Variants in ASTN2 observed in about 807,000 individuals in gnomAD.
The protein encoded by ASTN2 is astrotactin-2.
Under a neutral mutation model 139.8 loss-of-function variants are expected in ASTN2, and 54 were observed. The ratio of observed to expected loss-of-function variants is 0.39; its 90% confidence interval spans 0.31 to 0.48. ASTN2 has a LOEUF of 0.48. ASTN2 is among the 20% of genes least tolerant of loss of function. The pLI, the probability that ASTN2 is intolerant of heterozygous loss-of-function variation, is 0.95. For missense variants in ASTN2, 1,565 were observed against 1,725.1 expected (o/e 0.91, Z 1.64); for synonymous variants, 756 against 719.5 (o/e 1.05, Z -0.81).
At chr9:117,256,995 A>C (rs558284635) in intron 2 of ASTN2, among the ~76,000 whole-genome samples, 5 of 152,232 alleles carry the variant, frequency 3.3e-5, no homozygotes, top group African/African-American at 1.2e-4. Flanking sequence ...ACAGAAGAAG[A>C]CTTGGAATAT....
At chr9:116,886,408 T>C (rs1833597608) in intron 10 of ASTN2, among the ~76,000 whole-genome samples, 1 of 152,222 alleles carries the variant, frequency 6.6e-6, no homozygotes, top group Non-Finnish European at 1.5e-5. Flanking sequence ...AGGGTCTTGC[T>C]CCGTTGCCCA....
chr9:116,618,201 A>C (rs1342094047), intron 19 of ASTN2, 123 bp downstream of exon 19: 2 of 1,092,902 alleles, frequency 1.8e-6, no homozygotes, highest in Non-Finnish European at 2.6e-6. Flanking sequence ...AAAAATCACT[A>C]AACAATGAAA....
intron 3 of ASTN2, among the ~76,000 whole-genome samples, chr9:117,159,523 C>G (rs1056419097): frequency 1.3e-4 from 20 of 151,906 alleles, no homozygotes; most frequent in African/African-American, 4.6e-4. Context: ...AGAAAGCAAC[C>G]AGGAAGTGTG....
intron 13 of ASTN2, among the ~76,000 whole-genome samples, chr9:116,786,420 G>C (rs1276603408): frequency 6.6e-6 from 1 of 151,188 alleles, no homozygotes; most frequent in Non-Finnish European, 1.5e-5. Context: ...TCCTAGAACA[G>C]TCAGTGTCAT....
At chr9:117,355,029 G>T (rs1024503783) in intron 1 of ASTN2, among the ~76,000 whole-genome samples, 1 of 151,824 alleles carries the variant, frequency 6.6e-6, no homozygotes, top group Admixed American at 6.6e-5. Flanking sequence ...TTTAATCCAT[G>T]AGTCCTTACC....
intron 13 of ASTN2, among the ~76,000 whole-genome samples, chr9:116,792,218 CTACT>C (rs1471605541): frequency 2.6e-5 from 4 of 152,112 alleles, no homozygotes; most frequent in African/African-American, 9.7e-5. Flanking sequence ...CTTAATTTTA[CTACT>C]TACTTTCTAT....
chr9:117,212,583 C>CA (rs1033653268), intron 3 of ASTN2, among the ~76,000 whole-genome samples: 4 of 150,898 alleles, frequency 2.7e-5, no homozygotes, highest in African/African-American at 9.7e-5. Flanking sequence ...AACAAAAAAA[C>CA]AAAAAACAAA....
At chr9:117,205,398 C>CT (rs1423839414) in intron 3 of ASTN2, among the ~76,000 whole-genome samples, 1 of 152,076 alleles carries the variant, frequency 6.6e-6, no homozygotes, top group Non-Finnish European at 1.5e-5. Context: ...ATATCTAATC[C>CT]TCCCATTAAC....
chr9:116,808,071 G>A (rs915472281), intron 12 of ASTN2, among the ~76,000 whole-genome samples: 2 of 152,100 alleles, frequency 1.3e-5, no homozygotes, highest in Non-Finnish European at 2.9e-5. Context: ...CCGAGATCAT[G>A]CCACTGCACT....
intron 10 of ASTN2, among the ~76,000 whole-genome samples, chr9:116,974,263 T>A (rs181835424): frequency 6.6e-6 from 1 of 152,320 alleles, no homozygotes; most frequent in Non-Finnish European, 1.5e-5. Flanking sequence ...ACAGACTTAA[T>A]TAAATCAATA....
chr9:117,122,987 C>T (rs1829596941), intron 4 of ASTN2, among the ~76,000 whole-genome samples: 1 of 152,100 alleles, frequency 6.6e-6, no homozygotes, highest in Admixed American at 6.6e-5. Flanking sequence ...CCAAAAGGGG[C>T]TGGAATCAGT....
intron 22 of ASTN2, 103 bp from the exon 23 acceptor site, chr9:116,426,191 A>G (rs1193489739): frequency 2.1e-6 from 3 of 1,426,870 alleles, no homozygotes; most frequent in East Asian, 2.3e-5. Context: ...TCTCCCAACC[A>G]TTTCCTATCT....
chr9:117,149,743 C>T (rs1337379867), intron 3 of ASTN2, among the ~76,000 whole-genome samples: 1 of 152,150 alleles, frequency 6.6e-6, no homozygotes, highest in Non-Finnish European at 1.5e-5. Context: ...AAGCAACTAG[C>T]GTTCCTTAGG....
intron 20 of ASTN2, 74 bp from the exon 21 acceptor site, chr9:116,442,627 G>A: frequency 1.7e-6 from 2 of 1,164,434 alleles, no homozygotes. Context: ...GGGAAGAACA[G>A]AGAGTCATGG....
intron 2 of ASTN2, among the ~76,000 whole-genome samples, chr9:117,280,530 G>T (rs1834300326): frequency 6.6e-6 from 1 of 152,132 alleles, no homozygotes; most frequent in Non-Finnish European, 1.5e-5. Context: ...TAGTATGGAG[G>T]CGGACGTAGA....
At chr9:116,797,824 G>T (rs552705302) in intron 13 of ASTN2, among the ~76,000 whole-genome samples, 1 of 152,316 alleles carries the variant, frequency 6.6e-6, no homozygotes, top group East Asian at 1.9e-4. Context: ...CCTGTACAGT[G>T]TCAGGGTTGG....
intron 1 of ASTN2, among the ~76,000 whole-genome samples, chr9:117,389,127 G>T (rs999183595): frequency 1.3e-5 from 2 of 152,146 alleles, no homozygotes; most frequent in Admixed American, 1.3e-4. Context: ...AATGTCCTGG[G>T]TCTACATCAC....
At chr9:116,567,559 C>T (rs1284606261) in intron 19 of ASTN2, among the ~76,000 whole-genome samples, 1 of 152,158 alleles carries the variant, frequency 6.6e-6, no homozygotes, top group East Asian at 1.9e-4. Context: ...GGGGAATAGT[C>T]ACAGGAGGCT....
chr9:117,264,609 G>T (rs1389792781), intron 2 of ASTN2, among the ~76,000 whole-genome samples: 1 of 152,194 alleles, frequency 6.6e-6, no homozygotes, highest in Non-Finnish European at 1.5e-5. Flanking sequence ...AAGAGGAAAA[G>T]TTAGGGTGAG....
Sources: allele counts gnomAD v4.1 joint callset (sites outside exome capture counted in the v4.1 genomes callset), GRCh38; gene constraint gnomAD v4.1.1; transcripts MANE v1.5; gene names NCBI Gene and HGNC (gene_info 2026-07-23, HGNC 2026-07-21).